Variants in FAM117A observed in about 807,000 individuals in gnomAD.
The protein encoded by FAM117A is protein FAM117A.
In FAM117A, 21 loss-of-function variants were observed where a neutral mutation model predicts 44.1. The observed-to-expected ratio is 0.48, with a 90% CI of 0.34 to 0.69. The LOEUF (loss-of-function observed/expected upper bound fraction) is 0.69. FAM117A is among the 30% of genes least tolerant of loss of function. The pLI, the probability that FAM117A is intolerant of heterozygous loss-of-function variation, is 0.01. For synonymous variants in FAM117A, 220 were observed against 238.3 expected (o/e 0.92, Z 0.71); for missense variants, 498 against 589.9 (o/e 0.84, Z 1.61).
At chr17:49,765,007 C>T (rs550198183), upstream of FAM117A, among the ~76,000 whole-genome samples, 9 of 152,290 alleles carry the variant, frequency 5.9e-5, no homozygotes, top group South Asian at 2.1e-4. Context: ...GTTAACAAAT[C>T]CTGGTCTTCC....
At chr17:49,764,991 G>T (rs989564980), upstream of FAM117A, among the ~76,000 whole-genome samples, 2 of 152,162 alleles carry the variant, frequency 1.3e-5, no homozygotes, top group South Asian at 2.1e-4. Context: ...TTTGCACCGC[G>T]ACTCCGTTAA....
chr17:49,767,850 C>T (rs1029995113), upstream of FAM117A, among the ~76,000 whole-genome samples: 14 of 151,958 alleles, frequency 9.2e-5, no homozygotes, highest in Non-Finnish European at 1.2e-4. Flanking sequence ...CTGCAGTGAA[C>T]CAAGATTGCA....
chr17:49,765,211 T>G (rs1346010548), upstream of FAM117A, among the ~76,000 whole-genome samples: 2 of 152,264 alleles, frequency 1.3e-5, no homozygotes, highest in African/African-American at 4.8e-5. Context: ...TTAACCATTT[T>G]GTTCTACATA....
intron 1 of FAM117A, among the ~76,000 whole-genome samples, chr17:49,758,555 C>T (rs771722582): frequency 2.8e-5 from 4 of 144,366 alleles, no homozygotes; most frequent in Non-Finnish European, 6.0e-5. Flanking sequence ...ACCTGGGAGG[C>T]GGAGGTTGCA....
chr17:49,745,487 C>T (rs1438956365), intron 1 of FAM117A, among the ~76,000 whole-genome samples: 2 of 152,186 alleles, frequency 1.3e-5, no homozygotes, highest in Non-Finnish European at 2.9e-5. Context: ...CTGGGGGCTA[C>T]CATACCACCT....
chr17:49,714,784 T>A (rs967379593), intron 7 of FAM117A, among the ~76,000 whole-genome samples: 2 of 151,866 alleles, frequency 1.3e-5, no homozygotes, highest in African/African-American at 4.8e-5. Flanking sequence ...GTAGCTGGGA[T>A]AACAGGTGCC....
chr17:49,763,844 C>G (rs1206795734), intron 1 of FAM117A, 48 bp downstream of exon 1: 4 of 1,043,250 alleles, frequency 3.8e-6, no homozygotes, highest in South Asian at 4.8e-5. Flanking sequence ...ACGCGCCCCC[C>G]CTCCCCCAAT....
chr17:49,787,799 A>G (rs984117176), intron 1 of FAM117A, among the ~76,000 whole-genome samples: 3 of 152,274 alleles, frequency 2.0e-5, no homozygotes, highest in African/African-American at 4.8e-5. Context: ...TATTATTTAA[A>G]TGTCCATTCT....
chr17:49,716,772 T>A (rs1285940860), intron 6 of FAM117A, among the ~76,000 whole-genome samples: 1 of 152,212 alleles, frequency 6.6e-6, no homozygotes, highest in African/African-American at 2.4e-5. Flanking sequence ...CAACCCCACT[T>A]GTAGGATAAA....
chr17:49,715,792 TCC>T (rs2073499585), intron 7 of FAM117A, among the ~76,000 whole-genome samples: 3 of 152,208 alleles, frequency 2.0e-5, no homozygotes, highest in Admixed American at 2.0e-4. Flanking sequence ...TAATATGTTC[TCC>T]CCACACCCCC....
chr17:49,774,806 T>G (rs1180337485), intron 1 of FAM117A, among the ~76,000 whole-genome samples: 3 of 152,282 alleles, frequency 2.0e-5, no homozygotes, highest in Admixed American at 2.0e-4. Flanking sequence ...TGCAGGCTGA[T>G]AGTGGGAAAG....
At chr17:49,720,181 G>A in intron 4 of FAM117A, 145 bp downstream of exon 4, 1 of 711,922 alleles carries the variant, frequency 1.4e-6, no homozygotes, top group Non-Finnish European at 2.3e-6. Flanking sequence ...ATATCACACA[G>A]CAAGACCAAG....
At chr17:49,722,906 C>A (rs1053906524) in intron 2 of FAM117A, among the ~76,000 whole-genome samples, 3 of 152,126 alleles carry the variant, frequency 2.0e-5, no homozygotes, top group Non-Finnish European at 4.4e-5. Context: ...ACAAGTATTG[C>A]CACTCCTATC....
At chr17:49,731,670 A>G (rs1005606539) in intron 2 of FAM117A, among the ~76,000 whole-genome samples, 2 of 152,218 alleles carry the variant, frequency 1.3e-5, no homozygotes, top group African/African-American at 2.4e-5. Context: ...TCCCATTCCT[A>G]TGGCTCCAGT....
At chr17:49,729,535 T>G (rs1351363375) in intron 2 of FAM117A, among the ~76,000 whole-genome samples, 1 of 144,336 alleles carries the variant, frequency 6.9e-6, no homozygotes, top group Non-Finnish European at 1.5e-5. Flanking sequence ...TGACACAGAG[T>G]CTCGCTCTGT....
chr17:49,714,496 C>T (rs1036851834), intron 7 of FAM117A, among the ~76,000 whole-genome samples: 2 of 151,946 alleles, frequency 1.3e-5, no homozygotes, highest in Non-Finnish European at 2.9e-5. Flanking sequence ...CACTAACACA[C>T]CCGGCTACTT....
intron 1 of FAM117A, among the ~76,000 whole-genome samples, chr17:49,785,833 A>T (rs537532719): frequency 6.6e-6 from 1 of 152,324 alleles, no homozygotes; most frequent in South Asian, 2.1e-4. Flanking sequence ...GAGGGTTAGG[A>T]GATGCATCCA....
At chr17:49,716,122 G>GGCCCCC in intron 7 of FAM117A, 43 bp downstream of exon 7, 1 of 1,580,844 alleles carries the variant, frequency 6.3e-7, no homozygotes, top group Non-Finnish European at 8.7e-7. Flanking sequence ...GAGAATGTAG[G>GGCCCCC]CCCACCCTCC....
chr17:49,719,966 G>A (rs975466875), intron 4 of FAM117A, 72 bp from the exon 5 acceptor site: 1 of 1,527,492 alleles, frequency 6.5e-7, no homozygotes, highest in East Asian at 2.3e-5. Flanking sequence ...TCTGACCAGG[G>A]GTAATGGTCA....
Sources: gnomAD v4.1 joint callset for allele counts (sites outside exome capture counted in the v4.1 genomes callset) on GRCh38, gnomAD v4.1.1 for gene constraint, MANE v1.5 for transcripts, NCBI Gene and HGNC (gene_info 2026-07-23, HGNC 2026-07-21) for gene names.